Variants in NHERF1 observed in about 807,000 individuals in gnomAD.
NHERF1 encodes the protein NHERF family PDZ scaffold protein 1.
chr17:74,759,292 G>C, the NHERF1 span, among the ~76,000 whole-genome samples: 2 of 152,370 alleles, frequency 1.3e-5, no homozygotes, highest in Admixed American at 6.5e-5. Flanking sequence ...GAGCCCCTCA[G>C]GCTGGGTACC....
the NHERF1 span, among the ~76,000 whole-genome samples, chr17:74,763,727 C>T: frequency 1.5e-4 from 23 of 152,222 alleles, no homozygotes; most frequent in African/African-American, 2.2e-4. Flanking sequence ...TTTCTGAGGA[C>T]GGCTTGTGAT....
the NHERF1 span, among the ~76,000 whole-genome samples, chr17:74,757,753 C>A: frequency 2.0e-5 from 3 of 152,210 alleles, no homozygotes; most frequent in Non-Finnish European, 2.9e-5. Context: ...ACACCCCAGC[C>A]CCTGAGAACA....
the NHERF1 span, chr17:74,768,593 C>G: frequency 6.2e-7 from 1 of 1,614,186 alleles, no homozygotes. Flanking sequence ...ACCAGAAACG[C>G]AGCAGCAAAC....
the NHERF1 span, chr17:74,748,669 G>T: frequency 3.4e-6 from 2 of 591,890 alleles, no homozygotes; most frequent in South Asian, 2.1e-5. The surrounding 1 kb of genome is among the most constrained non-coding windows in gnomAD (Gnocchi z 4.3). Flanking sequence ...GTCCTCTCTC[G>T]GCTCCTCGCG....
At chr17:74,768,914 G>A in the NHERF1 span, 1 of 515,580 alleles carries the variant, frequency 1.9e-6, no homozygotes, top group Non-Finnish European at 3.5e-6. Flanking sequence ...GTGTCCCTTT[G>A]CCACCCTGCC....
the NHERF1 span, chr17:74,767,934 C>A: frequency 1.5e-6 from 1 of 673,014 alleles, no homozygotes; most frequent in Non-Finnish European, 2.7e-6. Context: ...ATCCCTCCAG[C>A]CTGAGCAGTA....
the NHERF1 span, among the ~76,000 whole-genome samples, chr17:74,767,229 C>T: frequency 2.0e-5 from 3 of 152,210 alleles, no homozygotes; most frequent in African/African-American, 2.4e-5. Flanking sequence ...GACAAGCCCC[C>T]GCCTCCAACT....
chr17:74,768,839 G>C, the NHERF1 span: 2 of 612,708 alleles, frequency 3.3e-6, no homozygotes, highest in Non-Finnish European at 5.7e-6. Context: ...ATGTGTTCCC[G>C]TCCTCCCGCA....
chr17:74,756,768 A>G, the NHERF1 span, among the ~76,000 whole-genome samples: 1 of 152,178 alleles, frequency 6.6e-6, no homozygotes, highest in Non-Finnish European at 1.5e-5. Flanking sequence ...AATGCTGGCA[A>G]TAATACTTTC....
chr17:74,761,733 T>C, the NHERF1 span, among the ~76,000 whole-genome samples: 11 of 152,212 alleles, frequency 7.2e-5, no homozygotes, highest in Non-Finnish European at 1.6e-4. The surrounding 1 kb of genome is among the most constrained non-coding windows in gnomAD (Gnocchi z 4.3). Flanking sequence ...ATGTGAGAGC[T>C]AACCTGGTCC....
chr17:74,759,584 G>T, the NHERF1 span, among the ~76,000 whole-genome samples: 1 of 152,226 alleles, frequency 6.6e-6, no homozygotes, highest in Non-Finnish European at 1.5e-5. Flanking sequence ...CCCAGCTCAG[G>T]CTGCAGCTCC....
chr17:74,759,327 T>C, the NHERF1 span, among the ~76,000 whole-genome samples: 1 of 152,236 alleles, frequency 6.6e-6, no homozygotes, highest in African/African-American at 2.4e-5. Flanking sequence ...ACTGCACGAC[T>C]TGGTGCTGGC....
the NHERF1 span, among the ~76,000 whole-genome samples, chr17:74,754,371 ATTTC>A: frequency 0.32 from 40,140 of 126,982 alleles, 8,104 homozygotes; most frequent in East Asian, 0.62. Flanking sequence ...GTTGACATGC[ATTTC>A]TTTCTTTCTT....
the NHERF1 span, chr17:74,767,862 A>G: frequency 4.1e-6 from 2 of 493,458 alleles, no homozygotes; most frequent in Non-Finnish European, 7.7e-6. Flanking sequence ...TAAAAGCCAC[A>G]TTGGAGTGGC....
the NHERF1 span, chr17:74,768,198 G>C: frequency 1.2e-6 from 2 of 1,613,836 alleles, no homozygotes; most frequent in Non-Finnish European, 1.7e-6. Flanking sequence ...CCCCAGGCCA[G>C]CCCTGGTGAG....
chr17:74,753,611 G>T, the NHERF1 span, among the ~76,000 whole-genome samples: 1 of 152,036 alleles, frequency 6.6e-6, no homozygotes, highest in Non-Finnish European at 1.5e-5. Context: ...CTTCCTGGCC[G>T]GGCGCAGTGA....
the NHERF1 span, chr17:74,763,394 C>G: frequency 6.2e-7 from 1 of 1,614,082 alleles, no homozygotes; most frequent in Admixed American, 1.7e-5. Context: ...GGAGGGGAAG[C>G]AGCATGGGGA....
the NHERF1 span, among the ~76,000 whole-genome samples, chr17:74,755,445 G>A: frequency 6.6e-6 from 1 of 152,174 alleles, no homozygotes; most frequent in South Asian, 2.1e-4. Context: ...CCTCATGGTA[G>A]GACAACTCAC....
the NHERF1 span, chr17:74,748,644 G>C: frequency 2.0e-6 from 1 of 511,678 alleles, no homozygotes; most frequent in East Asian, 3.3e-5. This position sits in a 1 kb window ranked among gnomAD's most constrained non-coding sequence, Gnocchi z 4.3. Context: ...CGCGCGGGGC[G>C]GGGATTGGTC....
Sources: gnomAD v4.1 joint callset for allele counts (sites outside exome capture counted in the v4.1 genomes callset) on GRCh38, gnomAD v4.1.1 for gene constraint, Gnocchi (gnomAD v3.1) non-coding constraint, MANE v1.5 for transcripts, NCBI Gene and HGNC (gene_info 2026-07-23, HGNC 2026-07-21) for gene names.